The following GPC6 variants were observed in gnomAD, a reference collection of about 807,000 sequenced individuals.
GPC6 encodes glypican-6.
GPC6 carries 14 observed loss-of-function variants against 55.2 expected under a neutral mutation model. The ratio of observed to expected loss-of-function variants is 0.25; its 90% CI spans 0.17 to 0.40. GPC6 has a LOEUF of 0.40. GPC6 is among the 10% of genes least tolerant of loss of function. The pLI is 1.00. For synonymous variants in GPC6, 278 were observed against 259.6 expected, an observed-to-expected ratio of 1.07 and a Z score of -0.68; for missense variants, 641 against 708.5, an observed-to-expected ratio of 0.90 and a Z score of 1.08.
intron 1 of GPC6, among the ~76,000 whole-genome samples, chr13:93,496,525 C>T (rs911588966): frequency 6.6e-6 from 1 of 152,224 alleles, no homozygotes; most frequent in South Asian, 2.1e-4. Flanking sequence ...ATTCGGCCAT[C>T]TTGGCTCCTC....
At chr13:93,371,429 G>GA (rs1166140072) in intron 1 of GPC6, among the ~76,000 whole-genome samples, 1 of 152,008 alleles carries the variant, frequency 6.6e-6, no homozygotes, top group Non-Finnish European at 1.5e-5. Flanking sequence ...GGGTGATCTG[G>GA]AAAAAATGAT....
chr13:93,765,274 C>CAACTTTCCAGATAAGCTGTCTGGAAAGAT (rs1885085391), intron 2 of GPC6, among the ~76,000 whole-genome samples: 2 of 151,826 alleles, frequency 1.3e-5, no homozygotes, highest in Admixed American at 1.3e-4. Flanking sequence ...TCTGGAAAGA[C>CAACTTTCCAGATAAGCTGTCTGGAAAGAT]AACTTTCCAG....
intron 4 of GPC6, among the ~76,000 whole-genome samples, chr13:94,280,544 C>T (rs1892348467): frequency 6.6e-6 from 1 of 152,216 alleles, no homozygotes; most frequent in South Asian, 2.1e-4. Context: ...GACAGCAGTG[C>T]CCCTAGTTAC....
At chr13:93,449,964 A>G (rs1878165154) in intron 1 of GPC6, among the ~76,000 whole-genome samples, 1 of 150,200 alleles carries the variant, frequency 6.7e-6, no homozygotes, top group African/African-American at 2.5e-5. Context: ...CTCTATTTTT[A>G]GTAGAGATGG....
rs562741611 is a variant in GPC6, at chr13:93,773,857, A to G, written c.320-56297A>G. ...CAAAAAGGAATGGGATGAAAGTACA[A>G]CTTGCCAGCAGAGCAACTTAAAATC... On this transcript the variant is annotated intron_variant, in intron 2 of 8. Transcript: ENST00000377047. 2.0e-5 allele frequency among the ~76,000 whole-genome samples: 3 copies of G among 152,328 alleles called. No homozygotes were observed. The East Asian group carries it at 5.8e-4, about 29-fold the overall frequency.
At chr13:93,405,310 G>A (rs1876244812) in intron 1 of GPC6, among the ~76,000 whole-genome samples, 1 of 152,154 alleles carries the variant, frequency 6.6e-6, no homozygotes, top group Admixed American at 6.6e-5. Context: ...CACCATCAGA[G>A]TGCACACAAG....
At chr13:93,781,820 A>G (rs1224383062) in intron 2 of GPC6, among the ~76,000 whole-genome samples, 3 of 152,190 alleles carry the variant, frequency 2.0e-5, no homozygotes, top group Admixed American at 6.5e-5. Flanking sequence ...TTATATATGT[A>G]TAATTTTAAT....
intron 1 of GPC6, among the ~76,000 whole-genome samples, chr13:93,411,290 C>G (rs1876484869): frequency 6.6e-6 from 1 of 152,172 alleles, no homozygotes; most frequent in Admixed American, 6.5e-5. Context: ...CCCACACTGT[C>G]AAGCCAATGT....
At chr13:94,388,276 C>T (rs1880499034) in intron 7 of GPC6, among the ~76,000 whole-genome samples, 1 of 152,186 alleles carries the variant, frequency 6.6e-6, no homozygotes, top group South Asian at 2.1e-4. Context: ...TCACTGATAC[C>T]CTTGATGTTT....
intron 1 of GPC6, among the ~76,000 whole-genome samples, chr13:93,253,947 T>G (rs1876868755): frequency 6.6e-6 from 1 of 152,238 alleles, no homozygotes; most frequent in African/African-American, 2.4e-5. Flanking sequence ...TTATCCCTGC[T>G]ACAGATGTGG....
At chr13:94,154,061 A>G (rs1431688873) in intron 4 of GPC6, 1 of 152,192 alleles carries the variant, frequency 6.6e-6, no homozygotes, top group Non-Finnish European at 1.5e-5. Flanking sequence ...TATAAATAAC[A>G]CAAATAGCTG....
At chr13:94,389,144 A>T (rs2139216159) in intron 7 of GPC6, among the ~76,000 whole-genome samples, 1 of 152,314 alleles carries the variant, frequency 6.6e-6, no homozygotes, top group Admixed American at 6.5e-5. Flanking sequence ...GACAAATAGG[A>T]ACTGAAAGGA....
At chr13:94,283,142 C>T (rs1240593089) in intron 4 of GPC6, among the ~76,000 whole-genome samples, 2 of 152,194 alleles carry the variant, frequency 1.3e-5, no homozygotes, top group Non-Finnish European at 2.9e-5. Flanking sequence ...TCAATACTTC[C>T]ACCAAAATAT....
At chr13:93,882,190 T>G (rs1875032846) in intron 3 of GPC6, among the ~76,000 whole-genome samples, 1 of 152,032 alleles carries the variant, frequency 6.6e-6, no homozygotes, top group Non-Finnish European at 1.5e-5. Context: ...GGTCTCACTC[T>G]TTCGCCAAAG....
intron 1 of GPC6, among the ~76,000 whole-genome samples, chr13:93,230,894 G>A (rs1177262635): frequency 6.6e-6 from 1 of 152,086 alleles, no homozygotes; most frequent in Non-Finnish European, 1.5e-5. Flanking sequence ...TATGCCTTGA[G>A]TCTTGCTAGG....
At chr13:93,503,787 C>A (rs1880609294) in intron 1 of GPC6, among the ~76,000 whole-genome samples, 1 of 152,192 alleles carries the variant, frequency 6.6e-6, no homozygotes, top group South Asian at 2.1e-4. Flanking sequence ...ATGCTAATAA[C>A]CTCAACTACT....
chr13:93,353,534 C>A (rs1411734733), intron 1 of GPC6, among the ~76,000 whole-genome samples: 1 of 152,174 alleles, frequency 6.6e-6, no homozygotes, highest in Non-Finnish European at 1.5e-5. Flanking sequence ...CTCTTTAATG[C>A]AGTGTCTCAA....
chr13:93,392,544 T>C (rs1440213739), intron 1 of GPC6, among the ~76,000 whole-genome samples: 1 of 152,162 alleles, frequency 6.6e-6, no homozygotes, highest in African/African-American at 2.4e-5. Context: ...ATTAGAAAAT[T>C]ACAAAAGGAA....
chr13:93,644,825 C>T (rs1289659401), intron 2 of GPC6, among the ~76,000 whole-genome samples: 1 of 151,940 alleles, frequency 6.6e-6, no homozygotes, highest in Non-Finnish European at 1.5e-5. Flanking sequence ...GGCCCATAAA[C>T]TGACATTTTA....
Sources: allele counts gnomAD v4.1 joint callset (sites outside exome capture counted in the v4.1 genomes callset), GRCh38; gene constraint gnomAD v4.1.1; transcripts MANE v1.5; gene names NCBI Gene and HGNC (gene_info 2026-07-23, HGNC 2026-07-21).